NSUN7: variants seen among roughly 807,000 people sequenced by gnomAD.
The protein encoded by NSUN7 is protein NSUN7.
A neutral mutation model predicts 58.5 loss-of-function variants in NSUN7; 39 were observed. That is an observed-to-expected ratio of 0.67 (90% CI 0.52 to 0.87). NSUN7 has a LOEUF of 0.87. Ranked by LOEUF, NSUN7 falls within the 40% of genes least tolerant of loss-of-function variation. NSUN7 has a pLI of 0.00. For missense variants in NSUN7, 765 were observed against 844.1 expected (o/e 0.91, Z 1.16); for synonymous variants, 278 against 303.7 (o/e 0.92, Z 0.88).
chr4:40,761,575 T>G (rs1741464837), intron 4 of NSUN7, among the ~76,000 whole-genome samples: 1 of 152,182 alleles, frequency 6.6e-6, no homozygotes, highest in Admixed American at 6.5e-5. Context: ...AGCACATAAA[T>G]TAAACTGTAT....
intron 2 of NSUN7, among the ~76,000 whole-genome samples, chr4:40,759,783 G>A (rs1741360612): frequency 6.6e-6 from 1 of 152,118 alleles, no homozygotes; most frequent in South Asian, 2.1e-4. Context: ...GCTCATGCTT[G>A]TAATCCCAGC....
intron 10 of NSUN7, among the ~76,000 whole-genome samples, chr4:40,802,347 TG>T (rs200634404): frequency 6.6e-6 from 1 of 150,604 alleles, no homozygotes; most frequent in Non-Finnish European, 1.5e-5. Flanking sequence ...TATTTTTTTT[TG>T]TTACATAAAC....
rs751376410 is a variant in NSUN7 at position 40,790,589 on chromosome 4, G to A, written c.1037-13G>A. On this transcript the variant is annotated splice_polypyrimidine_tract_variant and intron_variant, in intron 7 of 11. Transcript: ENST00000381782. ...TAATATTTTACATTAAATTTTCTGT[G>A]TTTTTTCCCCAGATATTGAAATACT... The A allele has an allele frequency of 9.5e-5, 140 of 1,469,058 alleles. 2 individuals are homozygous for A. In the South Asian group the frequency reaches 1.6e-3, roughly 17 times the overall value. The allele number at this position is 1,469,058 out of a possible 1,614,324, so 91.0% of individuals were successfully genotyped here.
intron 8 of NSUN7, 119 bp downstream of exon 8, chr4:40,790,864 A>G: frequency 2.7e-6 from 2 of 752,996 alleles, no homozygotes; most frequent in Non-Finnish European, 4.2e-6. Context: ...GCAACCACAT[A>G]TAAAGTACTT....
rs1474671895 is a variant in NSUN7, at chr4:40,777,595, C to T, written c.1036+1336C>T. 2.6e-5 allele frequency among the ~76,000 whole-genome samples: 4 copies of T among 152,164 alleles called. No homozygotes were observed. In the South Asian group the frequency reaches 6.2e-4, roughly 24 times the overall value. On this transcript the variant is annotated intron_variant, in intron 7 of 11. Transcript: ENST00000381782. ...CCTCCCAAAGTGCTAGGATTACAGGCGTGAGCCACCGCACCCGGCCTGTAT... is the reference window on the plus strand; with the variant it reads ...CCTCCCAAAGTGCTAGGATTACAGGTGTGAGCCACCGCACCCGGCCTGTAT...
chr4:40,760,890 T>C (rs1000150326), intron 3 of NSUN7, among the ~76,000 whole-genome samples: 4 of 150,548 alleles, frequency 2.7e-5, no homozygotes, highest in Admixed American at 2.0e-4. Context: ...AAGATTTAAA[T>C]AGTTTGCTGA....
intron 8 of NSUN7, among the ~76,000 whole-genome samples, chr4:40,793,436 T>C (rs973222856): frequency 2.6e-5 from 4 of 151,554 alleles, no homozygotes; most frequent in Non-Finnish European, 5.9e-5. Context: ...AGTGAGATCC[T>C]GTCTCAAAAA....
chr4:40,804,350 G>T (rs748822726), intron 10 of NSUN7, among the ~76,000 whole-genome samples: 2 of 151,548 alleles, frequency 1.3e-5, no homozygotes, highest in South Asian at 2.1e-4. Flanking sequence ...TGAGGCAGGA[G>T]AATCGCTTGA....
In NSUN7 at chr4:40,809,896, C is replaced by T. The variant is rs1389773104; in HGVS notation, c.*957C>T. 1 of 152,122 alleles carries T rather than the reference C, an allele frequency of 6.6e-6. No individual in the cohort carries two copies. The highest frequency in any genetic ancestry group is 1.5e-5 in the Non-Finnish European group (1 of 68,016). 9.4% of individuals were successfully genotyped at this position (152,122 alleles called of 1,614,324 possible). On this transcript the variant is annotated 3_prime_UTR_variant, in exon 12 of 12. Coordinates refer to ENST00000381782, the MANE Select transcript of NSUN7 (RefSeq NM_024677.6). Reference sequence around the variant, plus strand: ...TCATCTTGAATGTATTCTCAATTGCCTACCAAAAATTGGTATGATTATCAT... The same window carrying T: ...TCATCTTGAATGTATTCTCAATTGCTTACCAAAAATTGGTATGATTATCAT...
At chr4:40,802,326 C>T (rs969621793) in intron 10 of NSUN7, among the ~76,000 whole-genome samples, 7 of 145,648 alleles carry the variant, frequency 4.8e-5, no homozygotes, top group African/African-American at 1.8e-4. Flanking sequence ...TGGGTTTCTT[C>T]TCAAATTTTA....
At chr4:40,767,242 A>T (rs1221701872) in intron 4 of NSUN7, among the ~76,000 whole-genome samples, 1 of 152,120 alleles carries the variant, frequency 6.6e-6, no homozygotes, top group Non-Finnish European at 1.5e-5. Context: ...TTCCCTCTAC[A>T]CACTGCTTTG....
Position 40,774,829 on chromosome 4 carries a change from A to G in NSUN7, c.704A>G (p.His235Arg), listed in dbSNP as rs1410365881. The stretch of plus-strand genomic sequence containing the variant: ...TATAATAAAGTCAAATCTGTATTGC[A>G]TATTGATGATAAAGTCTTTGCTGTG... ...RGYNKVKSVL[H>R]IDDKVFAVDQ... The change falls in exon 6 of 12, where the codon CAT becomes CGT. Residue 235 changes from histidine (H) to arginine (R), a missense_variant. By Grantham distance (29) the His-to-Arg change is conservative. Coordinates refer to ENST00000381782, the MANE Select transcript of NSUN7 (RefSeq NM_024677.6). 6.4e-7 allele frequency: 1 copy of G among 1,556,680 alleles called. No individual in the cohort carries two copies. The highest frequency in any genetic ancestry group is 8.9e-7 in the Non-Finnish European group (1 of 1,129,578).
chr4:40,806,735 T>G (rs1371648874), intron 10 of NSUN7, among the ~76,000 whole-genome samples: 5 of 152,236 alleles, frequency 3.3e-5, no homozygotes, highest in Non-Finnish European at 7.3e-5. Flanking sequence ...CATATTTACC[T>G]GCTTTGATAA....
intron 8 of NSUN7, among the ~76,000 whole-genome samples, chr4:40,794,066 C>T (rs752765913): frequency 6.6e-6 from 1 of 152,076 alleles, no homozygotes; most frequent in East Asian, 1.9e-4. Flanking sequence ...TCGAGACTGA[C>T]GGCATTTTCT....
At chr4:40,790,335 C>T (rs1743022367) in intron 7 of NSUN7, among the ~76,000 whole-genome samples, 2 of 152,050 alleles carry the variant, frequency 1.3e-5, no homozygotes, top group African/African-American at 4.8e-5. Flanking sequence ...CTATTTCTCC[C>T]CTACTATATA....
chr4:40,810,674 G>T lies in NSUN7; in HGVS notation c.*1735G>T, dbSNP rs1744239557. 2 of 149,814 alleles carry T rather than the reference G, an allele frequency of 1.3e-5. No homozygotes were observed. The highest frequency in any genetic ancestry group is 2.1e-4 in the South Asian group (1 of 4,736). 9.3% of individuals were successfully genotyped at this position (149,814 alleles called of 1,614,324 possible). A position where few individuals can be genotyped will look rare whatever the true frequency, so the allele number is the denominator to read the frequency against. Reference sequence around the variant, plus strand: ...TATTGTATTTTAAATCCCTGAAGAAGAATTCTTCATGTTATCACTCTTGTA... The same window carrying T: ...TATTGTATTTTAAATCCCTGAAGAATAATTCTTCATGTTATCACTCTTGTA... On this transcript the variant is annotated 3_prime_UTR_variant, in exon 12 of 12. Coordinates refer to ENST00000381782, the MANE Select transcript of NSUN7 (RefSeq NM_024677.6).
chr4:40,786,729 A>G, intron 7 of NSUN7: 4 of 1,540,516 alleles, frequency 2.6e-6, no homozygotes, highest in Non-Finnish European at 3.5e-6. Flanking sequence ...AATACCTATT[A>G]TATCTGTGTG....
At chr4:40,776,974 A>G (rs1742299727) in intron 7 of NSUN7, among the ~76,000 whole-genome samples, 1 of 152,208 alleles carries the variant, frequency 6.6e-6, no homozygotes, top group Non-Finnish European at 1.5e-5. Flanking sequence ...GGATCATTCT[A>G]ACTAAAGATT....
At chr4:40,761,557 T>C (rs962324974) in intron 4 of NSUN7, among the ~76,000 whole-genome samples, 9 of 152,214 alleles carry the variant, frequency 5.9e-5, no homozygotes, top group African/African-American at 2.2e-4. Flanking sequence ...AAATTCTCAA[T>C]AATTTTTAGC....
Sources: gnomAD v4.1 joint callset for allele counts (sites outside exome capture counted in the v4.1 genomes callset) on GRCh38, gnomAD v4.1.1 for gene constraint, MANE v1.5 for transcripts, NCBI Gene and HGNC (gene_info 2026-07-23, HGNC 2026-07-21) for gene names.